The following FRYL variants were observed in gnomAD, a reference collection of about 807,000 sequenced individuals.
FRYL encodes the protein FRY like transcription coactivator, also known as protein furry homolog-like.
Under a neutral mutation model 351.2 loss-of-function variants are expected in FRYL, and 150 were observed. That is an observed-to-expected ratio of 0.43 (90% confidence interval 0.37 to 0.49). The LOEUF is 0.49. Ranked by LOEUF, FRYL falls within the 20% of genes least tolerant of loss-of-function variation. The probability of loss-of-function intolerance (pLI) is 0.00; values close to 1 mark genes in which losing one functional copy is unlikely to be tolerated. For missense variants in FRYL, 3,036 were observed against 3,619.3 expected (o/e 0.84, Z 4.13); for synonymous variants, 1,153 against 1,257.1 (o/e 0.92, Z 1.75).
intron 1 of FRYL, among the ~76,000 whole-genome samples, chr4:48,766,984 T>C (rs546497533): frequency 1.4e-5 from 2 of 147,850 alleles, no homozygotes; most frequent in South Asian, 4.2e-4. Flanking sequence ...ATAATATATA[T>C]CTATATATTA....
chr4:48,528,851 A>C (rs1726875011), intron 50 of FRYL, among the ~76,000 whole-genome samples: 1 of 152,194 alleles, frequency 6.6e-6, no homozygotes. Context: ...TCTGATGTGT[A>C]ATACTTCCAA....
intron 13 of FRYL, chr4:48,598,719 T>C (rs1028144194): frequency 1.9e-5 from 5 of 265,870 alleles, no homozygotes; most frequent in Non-Finnish European, 2.3e-5. Flanking sequence ...TAGAAGCAGG[T>C]TGGAATAAAT....
At chr4:48,519,736 C>G (rs1814784) in intron 55 of FRYL, among the ~76,000 whole-genome samples, 142,621 of 150,946 alleles carry the variant, frequency 0.94, 67,495 homozygotes, top group South Asian at 0.98. Context: ...CTCTCTCTCG[C>G]TCTTTTTTTT....
chr4:48,530,504 C>T (rs1727316806), intron 50 of FRYL, among the ~76,000 whole-genome samples: 1 of 152,092 alleles, frequency 6.6e-6, no homozygotes, highest in Non-Finnish European at 1.5e-5. Context: ...AACTAAAAAT[C>T]CTTTAAGAGC....
chr4:48,514,688 AT>A (rs1723193964), intron 56 of FRYL, among the ~76,000 whole-genome samples: 1 of 152,268 alleles, frequency 6.6e-6, no homozygotes, highest in South Asian at 2.1e-4. Flanking sequence ...ACGGAAGTTC[AT>A]TCCAATATTG....
chr4:48,746,121 C>T (rs940458165), intron 1 of FRYL, among the ~76,000 whole-genome samples: 12 of 152,270 alleles, frequency 7.9e-5, no homozygotes, highest in African/African-American at 2.6e-4. Context: ...CACCTCCGTG[C>T]GTGAACAGCA....
intron 1 of FRYL, among the ~76,000 whole-genome samples, chr4:48,720,612 T>C (rs752418802): frequency 4.6e-5 from 7 of 152,218 alleles, no homozygotes; most frequent in Non-Finnish European, 8.8e-5. Context: ...CTTTTCATCT[T>C]ACAAAACTGA....
At position 48,521,097 on chromosome 4, in the gene FRYL, G is replaced by A; in HGVS notation, c.7640C>T (p.Thr2547Ile). The A allele has an allele frequency of 6.2e-7, 1 of 1,613,594 alleles. No individual in the cohort carries two copies. Among genetic ancestry groups the A allele is most frequent in the Non-Finnish European group, 8.5e-7 (1 of 1,179,696 alleles). ...TEEVLQIRDE[T>I]PTLEASLDNA... The stretch of plus-strand genomic sequence containing the variant: ...ATCTAGAGAAGCCTCCAAAGTTGGG[G>A]TCTCATCCCTGATTTGAAGCACTTC... The change falls in exon 55 of 64, where the codon ACC becomes ATC. Residue 2547 changes from threonine (T) to isoleucine (I), a missense_variant. Transcript: ENST00000358350.
chr4:48,702,174 G>A (rs915538142), intron 2 of FRYL, among the ~76,000 whole-genome samples: 3 of 152,082 alleles, frequency 2.0e-5, no homozygotes, highest in African/African-American at 7.2e-5. Flanking sequence ...ATAAAAAATA[G>A]GCCAGGTATG....
chr4:48,669,025 G>GT (rs1429967558), intron 3 of FRYL, among the ~76,000 whole-genome samples: 14 of 151,832 alleles, frequency 9.2e-5, no homozygotes, highest in Non-Finnish European at 1.5e-5. Flanking sequence ...TTTTAAAACC[G>GT]TATCTTTATT....
intron 4 of FRYL, among the ~76,000 whole-genome samples, chr4:48,624,229 TACCAG>T (rs550477379): frequency 6.6e-6 from 1 of 152,156 alleles, no homozygotes; most frequent in Non-Finnish European, 1.5e-5. Context: ...TCCTATCACA[TACCAG>T]AATATTTTTT....
rs10604700 is a variant in FRYL, at chr4:48,651,213, C to CGTGTGTGTGTGTGTGTGT, written c.-80-16741_-80-16724dup. ...CCTGAGTAGCTGGGACCACATGCAC[C>CGTGTGTGTGTGTGTGTGT]GTGTGTGTGTGTGTGTGTGTGTGTG... On this transcript the variant is annotated intron_variant, in intron 3 of 63. Coordinates refer to ENST00000358350, the MANE Select transcript of FRYL (RefSeq NM_015030.2). 1.9e-5 allele frequency among the ~76,000 whole-genome samples: 2 copies of CGTGTGTGTGTGTGTGTGT among 104,896 alleles called. 1 individual carries two copies. The highest frequency in any genetic ancestry group is 7.6e-5 in the African/African-American group (2 of 26,444). The allele number at this position is 104,896 out of a possible 152,430, so 68.8% of individuals were successfully genotyped here. A position where few individuals can be genotyped will look rare whatever the true frequency, so the allele number is the denominator to read the frequency against.
chr4:48,597,225 A>C (rs780106346), intron 13 of FRYL, among the ~76,000 whole-genome samples: 1 of 152,224 alleles, frequency 6.6e-6, no homozygotes, highest in Non-Finnish European at 1.5e-5. Flanking sequence ...ATCAGATGTC[A>C]AAATAGTTCA....
At chr4:48,625,473 T>TA (rs1402203830) in intron 4 of FRYL, among the ~76,000 whole-genome samples, 2 of 152,066 alleles carry the variant, frequency 1.3e-5, no homozygotes, top group African/African-American at 4.8e-5. Flanking sequence ...TCAAAAGCAG[T>TA]AAAAAATAAA....
intron 44 of FRYL, among the ~76,000 whole-genome samples, chr4:48,542,813 CTT>C (rs1215727363): frequency 6.6e-6 from 1 of 152,176 alleles, no homozygotes; most frequent in Non-Finnish European, 1.5e-5. Context: ...CAGCTGGACT[CTT>C]AACCTCCTGC....
chr4:48,631,549 G>A (rs2149358074), intron 4 of FRYL, among the ~76,000 whole-genome samples: 1 of 152,008 alleles, frequency 6.6e-6, no homozygotes, highest in South Asian at 2.1e-4. Context: ...CCTCTACTGA[G>A]TACCCACCAC....
chr4:48,669,961 A>AT (rs1461319844), intron 3 of FRYL, among the ~76,000 whole-genome samples: 1 of 151,810 alleles, frequency 6.6e-6, no homozygotes, highest in African/African-American at 2.4e-5. Context: ...TTTACTTTTA[A>AT]TTTTTATGAA....
intron 16 of FRYL, among the ~76,000 whole-genome samples, 171 bp downstream of exon 16, chr4:48,593,759 A>G (rs1003318439): frequency 6.6e-6 from 1 of 152,054 alleles, no homozygotes; most frequent in Admixed American, 6.6e-5. Flanking sequence ...ACAAACAAAC[A>G]CTATTATTAA....
chr4:48,574,457 A>C (rs1449668795), intron 25 of FRYL: 1 of 152,180 alleles, frequency 6.6e-6, no homozygotes, highest in Non-Finnish European at 1.5e-5. Flanking sequence ...TTTTATTTAA[A>C]TGTTCCTCTC....
Sources: allele counts gnomAD v4.1 joint callset (sites outside exome capture counted in the v4.1 genomes callset), GRCh38; gene constraint gnomAD v4.1.1; transcripts MANE v1.5; gene names NCBI Gene and HGNC (gene_info 2026-07-23, HGNC 2026-07-21).